Variants in GRIK2 observed in about 807,000 individuals in gnomAD.
GRIK2 encodes the protein glutamate ionotropic receptor kainate type subunit 2.
A neutral mutation model predicts 100.3 loss-of-function variants in GRIK2; 32 were observed. The ratio of observed to expected loss-of-function variants is 0.32; its 90% confidence interval spans 0.24 to 0.43. The LOEUF is 0.43. Among genes scored for constraint, GRIK2 ranks in the 20% least tolerant of loss-of-function variants. The probability of loss-of-function intolerance (pLI) is 1.00; values close to 1 mark genes in which losing one functional copy is unlikely to be tolerated. For synonymous variants in GRIK2, 417 were observed against 389.4 expected (o/e 1.07, Z -0.83); for missense variants, 843 against 1,114.9 (o/e 0.76, Z 3.47).
At chr6:102,050,646 T>G (rs1582789841) in intron 15 of GRIK2, among the ~76,000 whole-genome samples, 1 of 102,216 alleles carries the variant, frequency 9.8e-6, no homozygotes, top group Admixed American at 1.1e-4. Context: ...CAAAACTCGG[T>G]CTAAAAAAAA....
chr6:101,831,615 T>C (rs1024461942), intron 10 of GRIK2, among the ~76,000 whole-genome samples: 1 of 152,156 alleles, frequency 6.6e-6, no homozygotes, highest in Non-Finnish European at 1.5e-5. Context: ...GTCCTGTCAG[T>C]GGAATAATAT....
chr6:101,725,118 C>A (rs184068019), intron 7 of GRIK2, among the ~76,000 whole-genome samples: 1 of 152,020 alleles, frequency 6.6e-6, no homozygotes, highest in Non-Finnish European at 1.5e-5. Context: ...TGGCTTTACA[C>A]GGGTAATAAT....
intron 2 of GRIK2, among the ~76,000 whole-genome samples, chr6:101,412,772 G>GCTTA (rs148774035): frequency 0.014 from 2,176 of 152,004 alleles, 51 homozygotes; most frequent in African/African-American, 0.051. Flanking sequence ...TTTCACAGTA[G>GCTTA]CTTACATTCA....
chr6:101,850,932 T>C (rs1784095221), intron 10 of GRIK2, among the ~76,000 whole-genome samples: 1 of 152,086 alleles, frequency 6.6e-6, no homozygotes, highest in African/African-American at 2.4e-5. Flanking sequence ...TATTTATCCT[T>C]GTACCGTGTG....
intron 2 of GRIK2, among the ~76,000 whole-genome samples, chr6:101,468,134 G>T (rs1209112700): frequency 6.6e-6 from 1 of 152,068 alleles, no homozygotes; most frequent in African/African-American, 2.4e-5. Flanking sequence ...TTTTGCCAAG[G>T]GACTGCCCAG....
rs552965876 is a variant in GRIK2, at chr6:101,517,270, A to G, written c.116-104679A>G. ...TCTGAACCTGAAACCCAGACTTGTC[A>G]CTTACTTGCTGTAAAACTTTAAGAA... On this transcript the variant is annotated intron_variant, in intron 2 of 16. Transcript: ENST00000369134. 4.6e-5 allele frequency among the ~76,000 whole-genome samples: 7 copies of G among 152,256 alleles called. No homozygotes were observed. In the South Asian group the frequency reaches 1.4e-3, roughly 32 times the overall value.
chr6:101,399,760 G>T (rs1233635789), intron 2 of GRIK2, among the ~76,000 whole-genome samples: 1 of 152,216 alleles, frequency 6.6e-6, no homozygotes, highest in East Asian at 1.9e-4. Context: ...GCGCGCCGGG[G>T]CTGCACGCCT....
chr6:101,626,910 T>C (rs531869285), intron 4 of GRIK2, among the ~76,000 whole-genome samples: 9 of 152,110 alleles, frequency 5.9e-5, no homozygotes, highest in Admixed American at 1.3e-4. Context: ...GAAAGATAGA[T>C]GTAGTAAACA....
chr6:101,528,810 C>T (rs1296437898), intron 2 of GRIK2, among the ~76,000 whole-genome samples: 1 of 152,124 alleles, frequency 6.6e-6, no homozygotes, highest in African/African-American at 2.4e-5. Flanking sequence ...CTCATTTTGT[C>T]CTTTTCCTCC....
intron 2 of GRIK2, among the ~76,000 whole-genome samples, chr6:101,568,122 GCT>G (rs1279997541): frequency 4.0e-5 from 6 of 151,744 alleles, no homozygotes; most frequent in Non-Finnish European, 8.8e-5. Context: ...TGTTTAAGTA[GCT>G]TTTTTGTCAA....
chr6:101,995,173 T>A (rs1794587106), intron 14 of GRIK2, among the ~76,000 whole-genome samples: 1 of 151,870 alleles, frequency 6.6e-6, no homozygotes, highest in East Asian at 1.9e-4. Flanking sequence ...AGCCATCACA[T>A]GAGATGAGAA....
intron 12 of GRIK2, among the ~76,000 whole-genome samples, chr6:101,922,727 G>A (rs1330960693): frequency 6.6e-6 from 1 of 152,090 alleles, no homozygotes; most frequent in Non-Finnish European, 1.5e-5. Flanking sequence ...ATGGAGATGG[G>A]TGCTCTAGCA....
At chr6:101,970,549 G>A (rs1182890305) in intron 14 of GRIK2, among the ~76,000 whole-genome samples, 1 of 151,784 alleles carries the variant, frequency 6.6e-6, no homozygotes, top group African/African-American at 2.4e-5. Context: ...TATAGGACAG[G>A]GGTGGTAATT....
At chr6:101,402,785 T>A (rs904960421) in intron 2 of GRIK2, among the ~76,000 whole-genome samples, 1 of 152,162 alleles carries the variant, frequency 6.6e-6, no homozygotes, top group Non-Finnish European at 1.5e-5. Context: ...TCCAGAGCGC[T>A]GGCGCGGCGG....
At chr6:101,564,724 AT>A (rs1777173251) in intron 2 of GRIK2, among the ~76,000 whole-genome samples, 1 of 152,086 alleles carries the variant, frequency 6.6e-6, no homozygotes, top group African/African-American at 2.4e-5. Context: ...TTTCAGGGGA[AT>A]TTCCTACCTC....
At chr6:101,607,999 G>A (rs1218563251) in intron 2 of GRIK2, among the ~76,000 whole-genome samples, 1 of 150,686 alleles carries the variant, frequency 6.6e-6, no homozygotes, top group Non-Finnish European at 1.5e-5. Context: ...CAGCTTGGCT[G>A]CAAGCAGAGG....
chr6:101,454,463 C>G (rs948232840), intron 2 of GRIK2, among the ~76,000 whole-genome samples: 5 of 152,218 alleles, frequency 3.3e-5, no homozygotes, highest in African/African-American at 7.2e-5. Flanking sequence ...TAGACCTTCC[C>G]GTCAGGGGAA....
intron 2 of GRIK2, among the ~76,000 whole-genome samples, chr6:101,514,659 T>C (rs1423334886): frequency 1.3e-5 from 2 of 152,080 alleles, no homozygotes; most frequent in African/African-American, 2.4e-5. Context: ...CTACCATTTA[T>C]GAAAGAGTGA....
Position 101,738,529 on chromosome 6 carries a change from C to CT in GRIK2, c.951+52183dup, listed in dbSNP as rs199631780. On this transcript the variant is annotated intron_variant, in intron 7 of 16. Coordinates refer to ENST00000369134, the MANE Select transcript of GRIK2 (RefSeq NM_021956.5). ...GTTCCCACCTGCCCTATCTTCACAG[C>CT]TTTTTTTATCCCATTCCTACTTTAT... is the stretch of plus-strand genomic sequence containing the variant. Among the ~76,000 whole-genome samples, 1,363 of 152,244 alleles carry CT rather than the reference C, an allele frequency of 9.0e-3. 15 individuals carry two copies. Among genetic ancestry groups the CT allele is most frequent in the Non-Finnish European group, 0.015 (1,008 of 68,020 alleles).
Sources: allele counts gnomAD v4.1 joint callset (sites outside exome capture counted in the v4.1 genomes callset), GRCh38; gene constraint gnomAD v4.1.1; transcripts MANE v1.5; gene names NCBI Gene and HGNC (gene_info 2026-07-23, HGNC 2026-07-21).